The following GALNT12 variants were observed in gnomAD, a reference collection of about 807,000 sequenced individuals.
The protein encoded by GALNT12 is polypeptide N-acetylgalactosaminyltransferase 12.
A neutral mutation model predicts 55.5 loss-of-function variants in GALNT12; 45 were observed. The observed-to-expected ratio is 0.81, with a 90% CI of 0.64 to 1.04. The LOEUF is 1.04. Among genes scored for constraint, GALNT12 ranks in the 50% least tolerant of loss-of-function variants. The pLI is 0.00. For synonymous variants in GALNT12, 304 were observed against 312.2 expected, an observed-to-expected ratio of 0.97 and a Z score of 0.28; for missense variants, 709 against 754.8, an observed-to-expected ratio of 0.94 and a Z score of 0.71.
intron 1 of GALNT12, among the ~76,000 whole-genome samples, chr9:98,817,343 A>G (rs1835635702): frequency 6.6e-6 from 1 of 152,216 alleles, no homozygotes; most frequent in East Asian, 1.9e-4. Flanking sequence ...CTTGTCTAGT[A>G]TTCAGGGGCT....
chr9:98,835,802 C>G (rs1812675), intron 5 of GALNT12, among the ~76,000 whole-genome samples: 54,826 of 151,800 alleles, frequency 0.36, 10,354 homozygotes, highest in East Asian at 0.49. Context: ...GTGGCACGAT[C>G]TCAGCTCACT....
intron 1 of GALNT12, among the ~76,000 whole-genome samples, chr9:98,818,589 G>T (rs1157896231): frequency 6.6e-6 from 1 of 151,982 alleles, no homozygotes; most frequent in Non-Finnish European, 1.5e-5. Flanking sequence ...AGAATCAGGT[G>T]TGACACTTTA....
chr9:98,835,264 T>A lies in GALNT12; in HGVS notation c.933T>A (p.Ala311=). The A allele has an allele frequency of 6.2e-7, 1 of 1,613,166 alleles. No homozygotes were observed. Among genetic ancestry groups the A allele is most frequent in the Non-Finnish European group, 8.5e-7 (1 of 1,179,094 alleles). ...PVDVIRSPTM[A]GGLFAVSKKY... is the part of the protein sequence containing the mutation. ...ACTTTTTTAGGTCTCCAACAATGGC[T>A]GGTGGGCTGTTTGCTGTGAGTAAGA... The change falls in exon 5 of 10, where the codon GCT becomes GCA. Residue 311 remains alanine (A), a synonymous_variant. Coordinates refer to ENST00000375011, the MANE Select transcript of GALNT12 (RefSeq NM_024642.5).
chr9:98,831,728 C>T, intron 3 of GALNT12, 44 bp from the exon 4 acceptor site: 1 of 1,611,024 alleles, frequency 6.2e-7, no homozygotes, highest in Non-Finnish European at 8.5e-7. Flanking sequence ...TTCCTGCTGC[C>T]CGTCTGCATA....
At chr9:98,847,115 G>C (rs534734119) in intron 9 of GALNT12, 1 of 152,104 alleles carries the variant, frequency 6.6e-6, no homozygotes, top group African/African-American at 2.4e-5. Flanking sequence ...CTTGTAAATC[G>C]ATCATATCCT....
intron 3 of GALNT12, among the ~76,000 whole-genome samples, chr9:98,831,032 A>G (rs1835981473): frequency 6.6e-6 from 1 of 152,180 alleles, no homozygotes; most frequent in Admixed American, 6.5e-5. Context: ...TGGCAAATGC[A>G]AAGAAACACG....
Position 98,846,031 on chromosome 9 carries a change from G to A in GALNT12, c.1513G>A (p.Gly505Ser). Residue 505 changes from glycine to serine, a missense_variant, in exon 9 of 10, where the codon GGC (glycine) becomes AGC (serine). Transcript: ENST00000375011. ...ACGCTATAACACCCACCAGCCTGAG[G>A]GCTGCATTGCTGTGGAAGCAGGAAT... ...EIRYNTHQPE[G>S]CIAVEAGMDT... 1.2e-6 allele frequency: 2 copies of A among 1,614,166 alleles called. No homozygotes were observed. The highest frequency in any genetic ancestry group is 1.7e-6 in the Non-Finnish European group (2 of 1,180,024).
intron 1 of GALNT12, among the ~76,000 whole-genome samples, chr9:98,815,514 C>G (rs991176160): frequency 6.6e-6 from 1 of 152,078 alleles, no homozygotes; most frequent in Non-Finnish European, 1.5e-5. Flanking sequence ...TGGTATTGAA[C>G]CTCATAAAAC....
chr9:98,823,937 C>T (rs1044626273), intron 2 of GALNT12, among the ~76,000 whole-genome samples: 11 of 152,294 alleles, frequency 7.2e-5, no homozygotes, highest in East Asian at 1.9e-4. Context: ...GCAGTGCCAA[C>T]GGAGTAGCAT....
In GALNT12 at chr9:98,808,043, C is replaced by A; in HGVS notation, c.345C>A (p.Arg115=). ...TCAGCGACCGCATCTCACTGCACCG[C>A]CGCCTGCCCGAGCGCTGGAACCCGC... ...IYLSDRISLH[R]RLPERWNPLC... is the part of the protein sequence containing the mutation. The change falls in exon 1 of 10, where the codon CGC becomes CGA. Residue 115 remains arginine (R), a synonymous_variant. Transcript: ENST00000375011. 1 of 1,580,912 alleles carries A rather than the reference C, an allele frequency of 6.3e-7. No individual in the cohort carries two copies.
intron 1 of GALNT12, among the ~76,000 whole-genome samples, chr9:98,822,302 G>A (rs1289303367): frequency 6.6e-6 from 1 of 152,170 alleles, no homozygotes; most frequent in Non-Finnish European, 1.5e-5. Flanking sequence ...CTTCCCATCA[G>A]CTACTTCCCA....
intron 3 of GALNT12, among the ~76,000 whole-genome samples, chr9:98,829,693 G>A (rs1488166621): frequency 1.3e-5 from 2 of 151,832 alleles, no homozygotes; most frequent in Non-Finnish European, 2.9e-5. Context: ...TTAAGTTTTA[G>A]CTCCCACAAA....
intron 1 of GALNT12, among the ~76,000 whole-genome samples, chr9:98,809,498 G>A (rs796443469): frequency 8.5e-5 from 13 of 152,272 alleles, no homozygotes; most frequent in African/African-American, 2.9e-4. Flanking sequence ...TCTTTTGCTC[G>A]TCACTTCTGT....
intron 9 of GALNT12, among the ~76,000 whole-genome samples, chr9:98,846,592 G>A (rs1052117880): frequency 1.3e-5 from 2 of 152,142 alleles, no homozygotes; most frequent in East Asian, 3.9e-4. Flanking sequence ...AGGCACAGTG[G>A]CTGACGCCTG....
At chr9:98,826,711 G>GATTGTCAC in intron 2 of GALNT12, 41 bp from the exon 3 acceptor site, 1 of 1,594,266 alleles carries the variant, frequency 6.3e-7, no homozygotes, top group Non-Finnish European at 8.5e-7. Flanking sequence ...GCTCCTCCGA[G>GATTGTCAC]ATTGTCACGG....
At chr9:98,814,906 A>G (rs1333060051) in intron 1 of GALNT12, among the ~76,000 whole-genome samples, 1 of 152,202 alleles carries the variant, frequency 6.6e-6, no homozygotes, top group Non-Finnish European at 1.5e-5. Context: ...CAGGTAAAGT[A>G]CAAGGCGTGC....
At chr9:98,812,304 A>G (rs1039721226) in intron 1 of GALNT12, among the ~76,000 whole-genome samples, 3 of 152,124 alleles carry the variant, frequency 2.0e-5, no homozygotes, top group African/African-American at 4.8e-5. Context: ...TTAAAAAAAA[A>G]TCCAGGCCAG....
intron 5 of GALNT12, 131 bp from the exon 6 acceptor site, chr9:98,836,841 C>T (rs932700160): frequency 5.2e-6 from 5 of 961,738 alleles, no homozygotes; most frequent in African/African-American, 1.6e-5. Context: ...TGGCCTCCTG[C>T]CCGATGGAGG....
At chr9:98,825,846 A>C (rs1835844639) in intron 2 of GALNT12, among the ~76,000 whole-genome samples, 1 of 152,010 alleles carries the variant, frequency 6.6e-6, no homozygotes. Context: ...GTGGTGGTGC[A>C]TGCCTGTAGT....
Sources: allele counts gnomAD v4.1 joint callset (sites outside exome capture counted in the v4.1 genomes callset), GRCh38; gene constraint gnomAD v4.1.1; transcripts MANE v1.5; gene names NCBI Gene and HGNC (gene_info 2026-07-23, HGNC 2026-07-21).